The following ZNF17 variants were observed in gnomAD, a reference collection of about 807,000 sequenced individuals.
ZNF17 encodes zinc finger protein 17 (HPF3, KOX 10).
A neutral mutation model predicts 7.7 loss-of-function variants in ZNF17; 4 were observed. The observed-to-expected ratio is 0.52, with a 90% confidence interval of 0.26 to 1.20. The LOEUF (loss-of-function observed/expected upper bound fraction) is 1.20, where lower values mean the gene tolerates loss of function less well. Among genes scored for constraint, ZNF17 ranks in the 50% most tolerant of loss-of-function variants. ZNF17 has a pLI of 0.14. For synonymous variants in ZNF17, 249 were observed against 258.8 expected (o/e 0.96, Z 0.36); for missense variants, 738 against 799.5 (o/e 0.92, Z 0.93).
chr19:57,412,260 G>A (rs2088782160), intron 1 of ZNF17, among the ~76,000 whole-genome samples: 1 of 152,086 alleles, frequency 6.6e-6, no homozygotes, highest in Non-Finnish European at 1.5e-5. Context: ...ACAATAGGAA[G>A]GTCATCCAGA....
chr19:57,415,584 G>T (rs1420668371), intron 2 of ZNF17, among the ~76,000 whole-genome samples: 1 of 152,086 alleles, frequency 6.6e-6, no homozygotes, highest in Non-Finnish European at 1.5e-5. Flanking sequence ...GGAAGGGGAA[G>T]GAAGGGGCTG....
rs377193304 is a variant in ZNF17, at chr19:57,411,341, C to T, written c.-86C>T. The T allele has an allele frequency of 1.2e-6, 2 of 1,602,978 alleles. No individual in the cohort carries two copies. The highest frequency in any genetic ancestry group is 1.7e-5 in the Admixed American group (1 of 58,674). On this transcript the variant is annotated 5_prime_UTR_variant, in exon 1 of 4. Transcript: ENST00000307658. ...GGTGCCTCTGTCAGCGTCCAGGTCA[C>T]TGCCGCTCCCGCCCCGCTCTTCCCT...
chr19:57,419,524 C>G (rs942285969), intron 3 of ZNF17, 111 bp from the exon 4 acceptor site: 1 of 1,197,580 alleles, frequency 8.4e-7, no homozygotes, highest in African/African-American at 1.5e-5. Flanking sequence ...ATGTCCCATG[C>G]CTGTCACCAA....
Position 57,420,772 on chromosome 19 carries a change from C to T in ZNF17, c.1286C>T (p.Ser429Phe). 6.2e-7 allele frequency: 1 copy of T among 1,613,890 alleles called. No homozygotes were observed. Among genetic ancestry groups the T allele is most frequent in the South Asian group, 1.1e-5 (1 of 91,050 alleles). ...SECGKFFMDT[S>F]TLIIHQRVHT... The stretch of plus-strand genomic sequence containing the variant: ...TGTGGGAAGTTCTTTATGGACACTT[C>T]CACACTCATTATTCATCAGAGAGTT... The change falls in exon 4 of 4, where the codon TCC becomes TTC. Residue 429 changes from serine to phenylalanine, a missense_variant. Ser to Phe is a radical substitution (Grantham distance 155, BLOSUM62 -2). This residue lies in a region of ZNF17 where 616 missense variants were observed against 663.9 expected (regional missense o/e 0.93). Transcript: ENST00000307658.
chr19:57,419,297 C>T (rs568319605), intron 3 of ZNF17: 1 of 226,468 alleles, frequency 4.4e-6, no homozygotes, highest in Non-Finnish European at 8.8e-6. Context: ...TCTACTGTCA[C>T]ATCAGATCTC....
In ZNF17 at chr19:57,421,356, A is replaced by G; in HGVS notation, c.1870A>G (p.Asn624Asp). The change falls in exon 4 of 4, where the codon AAC becomes GAC. Residue 624 changes from asparagine (N) to aspartate (D), a missense_variant. Physicochemically the swap from Asn to Asp is conservative, Grantham distance 23. Coordinates refer to ENST00000307658, the MANE Select transcript of ZNF17 (RefSeq NM_001330617.2). ...CSECGKVFRY[N>D]SSLIKHRRIH... ...TGAATGTGGGAAAGTCTTTAGATAC[A>G]ACTCCAGCCTCATTAAACATCGGAG... The G allele has an allele frequency of 1.2e-6, 2 of 1,614,138 alleles. No individual in the cohort carries two copies. Among genetic ancestry groups the G allele is most frequent in the Non-Finnish European group, 1.7e-6 (2 of 1,180,010 alleles).
At position 57,411,371 on chromosome 19, in the gene ZNF17, G is replaced by T. The variant is rs779727451; in HGVS notation, c.-56G>T. ...GCTCCCGCCCCGCTCTTCCCTGGCT[G>T]TGCTGGCGGAGGCTGCGCCGATGAA... On this transcript the variant is annotated 5_prime_UTR_variant, in exon 1 of 4. Coordinates refer to ENST00000307658, the MANE Select transcript of ZNF17 (RefSeq NM_001330617.2). The T allele has an allele frequency of 1.2e-6, 2 of 1,612,570 alleles. No homozygotes were observed. Among genetic ancestry groups the T allele is most frequent in the Middle Eastern group, 1.7e-4 (1 of 6,028 alleles).
chr19:57,412,809 C>A (rs1034642157), intron 1 of ZNF17, among the ~76,000 whole-genome samples: 1 of 151,958 alleles, frequency 6.6e-6, no homozygotes, highest in East Asian at 1.9e-4. Flanking sequence ...ACACATAGGT[C>A]GGCAGTTAGA....
chr19:57,414,339 T>G lies in ZNF17; in HGVS notation c.21+703T>G, dbSNP rs1387031492. Among the ~76,000 whole-genome samples the G allele has an allele frequency of 4.6e-5, 7 of 150,694 alleles. No homozygotes were observed. The East Asian group carries it at 5.9e-4, about 13-fold the overall frequency. On this transcript the variant is annotated intron_variant, in intron 2 of 3. Transcript: ENST00000307658. Reference sequence around the variant, plus strand: ...TTGAGCCACCACACCTGGCCTTGTTTTTTTTTTTTTTTCCAGACAGAGGCT... The same window carrying G: ...TTGAGCCACCACACCTGGCCTTGTTGTTTTTTTTTTTTCCAGACAGAGGCT...
At position 57,420,722 on chromosome 19, in the gene ZNF17, A is replaced by C; in HGVS notation, c.1236A>C (p.Gly412=). The part of the protein sequence containing the change: ...TLIRHQKVHT[G]EKPYECSECG... ...TTAGACATCAGAAAGTTCACACTGG[A>C]GAAAAGCCTTATGAGTGTAGTGAAT... The change falls in exon 4 of 4, where the codon GGA becomes GGC. Residue 412 remains glycine (G), a synonymous_variant. Transcript: ENST00000307658. 1 of 1,614,046 alleles carries C rather than the reference A, an allele frequency of 6.2e-7. No individual in the cohort carries two copies. The highest frequency in any genetic ancestry group is 8.5e-7 in the Non-Finnish European group (1 of 1,179,980).
chr19:57,413,671 C>T (rs1185752180), intron 2 of ZNF17, 35 bp downstream of exon 2: 13 of 1,535,466 alleles, frequency 8.5e-6, no homozygotes, highest in East Asian at 2.4e-5. Context: ...TCACCCATCC[C>T]AGATGGTTTC....
intron 2 of ZNF17, among the ~76,000 whole-genome samples, chr19:57,415,923 A>G (rs757664957): frequency 4.6e-5 from 7 of 152,104 alleles, no homozygotes; most frequent in Non-Finnish European, 1.0e-4. Flanking sequence ...GGGATCATCT[A>G]GAAGCATTGC....
At chr19:57,416,591 A>G (rs1211108013) in intron 2 of ZNF17, among the ~76,000 whole-genome samples, 2 of 151,934 alleles carry the variant, frequency 1.3e-5, no homozygotes, top group African/African-American at 4.8e-5. Context: ...GCTCACTGCA[A>G]CCTCTGCCTC....
Position 57,411,195 on chromosome 19 carries a change from T to C in ZNF17, c.-232T>C, listed in dbSNP as rs2088773285. 2 of 693,798 alleles carry C rather than the reference T, an allele frequency of 2.9e-6. No individual in the cohort carries two copies. Among genetic ancestry groups the C allele is most frequent in the Non-Finnish European group, 2.3e-6 (1 of 438,188 alleles). The allele number at this position is 693,798 out of a possible 1,614,324, so 43.0% of individuals were successfully genotyped here. On this transcript the variant is annotated 5_prime_UTR_variant, in exon 1 of 4. Transcript: ENST00000307658. ...CCTGGGGTTGTCAATATGGCTGCGT[T>C]GGGATCTGTTCACCTTCAGGCTGAG...
chr19:57,414,688 A>T (rs2088800536), intron 2 of ZNF17, among the ~76,000 whole-genome samples: 1 of 151,460 alleles, frequency 6.6e-6, no homozygotes, highest in African/African-American at 2.4e-5. Flanking sequence ...TTGAGAAAGA[A>T]AAAAGAGGTG....
chr19:57,411,445 C>T, intron 1 of ZNF17, 39 bp downstream of exon 1: 1 of 1,605,164 alleles, frequency 6.2e-7, no homozygotes, highest in Non-Finnish European at 8.5e-7. Flanking sequence ...CCGATCCCTC[C>T]TCCGAGTGCC....
chr19:57,420,928 TTG>T lies in ZNF17; in HGVS notation c.1445_1446del (p.Val482GlyfsTer19), dbSNP rs1407907131. 2 of 1,614,008 alleles carry T rather than the reference TTG, an allele frequency of 1.2e-6. No individual in the cohort carries two copies. The highest frequency in any genetic ancestry group is 1.7e-6 in the Non-Finnish European group (2 of 1,179,998). On this transcript the variant is annotated frameshift_variant, in exon 4 of 4. Coordinates refer to ENST00000307658, the MANE Select transcript of ZNF17 (RefSeq NM_001330617.2). LOFTEE classifies it low-confidence loss of function (END_TRUNC). Reference sequence around the variant, plus strand: ...GAATGCAGTGAATGTGGCAAATTCTTTGTGGACAGCTGTACACTGAAGAGTCA... The same window carrying T: ...GAATGCAGTGAATGTGGCAAATTCTTTGGACAGCTGTACACTGAAGAGTCA...
At chr19:57,415,916 A>G (rs1442267730) in intron 2 of ZNF17, among the ~76,000 whole-genome samples, 1 of 152,134 alleles carries the variant, frequency 6.6e-6, no homozygotes, top group East Asian at 1.9e-4. Flanking sequence ...AGAAGATGGG[A>G]TCATCTAGAA....
chr19:57,414,617 G>A (rs1039725298), intron 2 of ZNF17, among the ~76,000 whole-genome samples: 1 of 151,962 alleles, frequency 6.6e-6, no homozygotes, highest in African/African-American at 2.4e-5. Context: ...TTACAGGTAT[G>A]AGCCACCGTG....
Sources: allele counts gnomAD v4.1 joint callset (sites outside exome capture counted in the v4.1 genomes callset), GRCh38; gene constraint gnomAD v4.1.1; regional missense constraint gnomAD v4.1.1; transcripts MANE v1.5; gene names NCBI Gene and HGNC (gene_info 2026-07-23, HGNC 2026-07-21).